MAP3K7CL: variants seen among roughly 807,000 people sequenced by gnomAD.
MAP3K7CL encodes MAP3K7 C-terminal like.
MAP3K7CL carries 16 observed loss-of-function variants against 18.6 expected under a neutral mutation model. That is an observed-to-expected ratio of 0.86 (90% CI 0.58 to 1.31). The LOEUF is 1.31. MAP3K7CL is among the 50% of genes most tolerant of loss of function. The pLI is 0.00. For synonymous variants in MAP3K7CL, 65 were observed against 66.8 expected (o/e 0.97, Z 0.13); for missense variants, 163 against 174.4 (o/e 0.93, Z 0.37).
chr21:29,147,960 T>C (rs2087177628), intron 2 of MAP3K7CL, among the ~76,000 whole-genome samples: 1 of 150,074 alleles, frequency 6.7e-6, no homozygotes, highest in African/African-American at 2.4e-5. Context: ...TATTATATAT[T>C]ATATATGTTT....
chr21:29,084,683 A>T (rs559147985), upstream of MAP3K7CL, among the ~76,000 whole-genome samples: 5 of 152,192 alleles, frequency 3.3e-5, no homozygotes, highest in Non-Finnish European at 7.3e-5. Flanking sequence ...CTTACCAGAT[A>T]TTCACTCCTC....
At chr21:29,164,270 C>T (rs144949905) in intron 4 of MAP3K7CL, among the ~76,000 whole-genome samples, 2,233 of 152,240 alleles carry the variant, frequency 0.015, 19 homozygotes, top group Non-Finnish European at 0.022. Flanking sequence ...CCCAAACAGT[C>T]TTTATTTTCA....
chr21:29,111,149 G>T (rs751607856), intron 4 of MAP3K7CL, among the ~76,000 whole-genome samples: 1 of 151,996 alleles, frequency 6.6e-6, no homozygotes, highest in Admixed American at 6.6e-5. Flanking sequence ...CCAGCTACTC[G>T]GGAGGCTGAG....
upstream of MAP3K7CL, chr21:29,130,417 C>T (rs2086757196): frequency 4.8e-6 from 1 of 207,330 alleles, no homozygotes; most frequent in African/African-American, 2.4e-5. Flanking sequence ...GAGCGGCCGA[C>T]ATTTTTGCTG....
chr21:29,113,986 C>A (rs1163561494), intron 4 of MAP3K7CL, among the ~76,000 whole-genome samples: 1 of 152,014 alleles, frequency 6.6e-6, no homozygotes, highest in African/African-American at 2.4e-5. Context: ...CATTTCTGCC[C>A]AAATCTGGGG....
At chr21:29,113,489 G>A (rs2086454305) in intron 4 of MAP3K7CL, among the ~76,000 whole-genome samples, 1 of 152,110 alleles carries the variant, frequency 6.6e-6, no homozygotes, top group South Asian at 2.1e-4. Context: ...CTCGCTCTGT[G>A]CTCACTGCGG....
intron 4 of MAP3K7CL, among the ~76,000 whole-genome samples, chr21:29,105,911 C>A (rs2086313206): frequency 6.6e-6 from 1 of 152,132 alleles, no homozygotes; most frequent in African/African-American, 2.4e-5. Context: ...CTTATGAATT[C>A]TTTTTCTTAA....
intron 4 of MAP3K7CL, chr21:29,109,723 A>G: frequency 1.0e-6 from 1 of 985,892 alleles, no homozygotes. Flanking sequence ...ACCTTATACA[A>G]ACAGTTATAT....
At chr21:29,097,930 G>A (rs1408263280) in intron 4 of MAP3K7CL, among the ~76,000 whole-genome samples, 1 of 152,072 alleles carries the variant, frequency 6.6e-6, no homozygotes, top group Non-Finnish European at 1.5e-5. Context: ...AAACTGTTGT[G>A]TCTGTATAAT....
chr21:29,137,538 C>CA (rs2086912716), intron 2 of MAP3K7CL, among the ~76,000 whole-genome samples: 1 of 151,684 alleles, frequency 6.6e-6, no homozygotes, highest in Non-Finnish European at 1.5e-5. Context: ...GTACTAGATA[C>CA]AAAAAAGGGG....
chr21:29,104,499 A>C (rs997002982), intron 4 of MAP3K7CL, among the ~76,000 whole-genome samples: 3 of 152,298 alleles, frequency 2.0e-5, no homozygotes, highest in Non-Finnish European at 4.4e-5. Flanking sequence ...CGTGGAGGCA[A>C]GCTTTGCTGT....
At chr21:29,082,748 A>G (rs6516889), upstream of MAP3K7CL, among the ~76,000 whole-genome samples, 5 of 152,350 alleles carry the variant, frequency 3.3e-5, no homozygotes, top group African/African-American at 7.2e-5. Context: ...AGTGCAGTCA[A>G]TCTACCACGG....
chr21:29,174,776 C>T lies in MAP3K7CL; in HGVS notation c.313C>T (p.Arg105Trp), dbSNP rs200856600. ...GAAGGTGGATGCTGCTGAGCTGGTT[C>T]GGGAATTCGAGGCTCTGACGGAGGA... ...KEKVDAAELV[R>W]EFEALTEENR... Residue 105 changes from arginine to tryptophan, a missense_variant, in exon 5 of 5, where the codon CGG becomes TGG. Coordinates refer to ENST00000399928, the MANE Select transcript of MAP3K7CL (RefSeq NM_001286620.2). 54 of 1,613,984 alleles carry T rather than the reference C, an allele frequency of 3.3e-5. No individual in the cohort carries two copies. In the Admixed American group the frequency reaches 6.7e-4, roughly 20 times the overall value.
At chr21:29,120,806 C>G (rs1389318675) in intron 4 of MAP3K7CL, among the ~76,000 whole-genome samples, 3 of 151,260 alleles carry the variant, frequency 2.0e-5, no homozygotes, top group Non-Finnish European at 4.4e-5. Flanking sequence ...TGGCTCATGC[C>G]TATAATCCCA....
At chr21:29,094,196 C>T (rs1423444999) in intron 4 of MAP3K7CL, among the ~76,000 whole-genome samples, 1 of 152,174 alleles carries the variant, frequency 6.6e-6, no homozygotes, top group Non-Finnish European at 1.5e-5. Context: ...AATCTAGTAG[C>T]TAGAGGCCAG....
chr21:29,082,851 A>G (rs2085858850), upstream of MAP3K7CL, among the ~76,000 whole-genome samples: 2 of 152,316 alleles, frequency 1.3e-5, no homozygotes, highest in Admixed American at 1.3e-4. Flanking sequence ...GTTTCTTAAG[A>G]AAATACTGGG....
chr21:29,099,214 C>G (rs1389465612), intron 4 of MAP3K7CL, among the ~76,000 whole-genome samples: 1 of 151,802 alleles, frequency 6.6e-6, no homozygotes. Flanking sequence ...CCCCAGCTTC[C>G]CAAGTAGCTG....
upstream of MAP3K7CL, chr21:29,085,706 G>A (rs936582855): frequency 6.2e-6 from 4 of 647,456 alleles, no homozygotes; most frequent in Middle Eastern, 2.9e-4. Context: ...TGAATGAAAT[G>A]TTACTGTATT....
chr21:29,136,888 T>C (rs1400445922), intron 2 of MAP3K7CL, among the ~76,000 whole-genome samples: 3 of 152,198 alleles, frequency 2.0e-5, no homozygotes, highest in Non-Finnish European at 4.4e-5. Flanking sequence ...GACTATATAT[T>C]CCTGAGATGA....
Sources: allele counts gnomAD v4.1 joint callset (sites outside exome capture counted in the v4.1 genomes callset), GRCh38; gene constraint gnomAD v4.1.1; transcripts MANE v1.5; gene names NCBI Gene and HGNC (gene_info 2026-07-23, HGNC 2026-07-21).